RARB: variants seen among roughly 807,000 people sequenced by gnomAD.
The protein encoded by RARB is retinoic acid receptor beta.
RARB carries 17 observed loss-of-function variants against 51.9 expected under a neutral mutation model. That is an observed-to-expected ratio of 0.33 (90% CI 0.22 to 0.49). RARB has a LOEUF of 0.49. Ranked by LOEUF, RARB falls within the 20% of genes least tolerant of loss-of-function variation. RARB has a pLI of 0.99. For missense variants in RARB, 369 were observed against 550.8 expected (o/e 0.67, Z 3.30); for synonymous variants, 215 against 195.4 (o/e 1.10, Z -0.84).
At chr3:25,459,664 G>A (rs1167002005) in intron 1 of RARB, among the ~76,000 whole-genome samples, 1 of 152,176 alleles carries the variant, frequency 6.6e-6, no homozygotes, top group East Asian at 1.9e-4. Flanking sequence ...ATAGTGATGT[G>A]GGGATGGATT....
chr3:25,138,484 C>G (rs1306486665), intron 4 of RARB, among the ~76,000 whole-genome samples: 2 of 152,010 alleles, frequency 1.3e-5, no homozygotes, highest in Non-Finnish European at 1.5e-5. Context: ...ATTCAACTTG[C>G]ATTTGCCTTT....
chr3:25,063,142 C>A (rs927036827), intron 3 of RARB, among the ~76,000 whole-genome samples: 1 of 151,872 alleles, frequency 6.6e-6, no homozygotes, highest in Non-Finnish European at 1.5e-5. Context: ...TGTAACACCC[C>A]CTTTTGAATA....
intron 2 of RARB, among the ~76,000 whole-genome samples, chr3:24,938,227 T>A (rs915248463): frequency 5.9e-5 from 9 of 152,152 alleles, no homozygotes; most frequent in Admixed American, 5.9e-4. Context: ...CTTTTATATG[T>A]CAAAATCAAT....
intron 2 of RARB, among the ~76,000 whole-genome samples, chr3:24,971,490 C>T (rs1025056138): frequency 3.9e-5 from 6 of 151,986 alleles, no homozygotes; most frequent in African/African-American, 1.2e-4. Context: ...ACCAGTAATT[C>T]GTTATTTATC....
intron 5 of RARB, among the ~76,000 whole-genome samples, chr3:25,268,728 C>G (rs1239942380): frequency 2.0e-5 from 3 of 152,150 alleles, no homozygotes; most frequent in Non-Finnish European, 4.4e-5. Context: ...TTTGGTTTCT[C>G]TCAAACATTG....
At chr3:24,885,564 A>T (rs943671434) in intron 2 of RARB, among the ~76,000 whole-genome samples, 1 of 152,182 alleles carries the variant, frequency 6.6e-6, no homozygotes, top group African/African-American at 2.4e-5. Flanking sequence ...GCTATAGTGT[A>T]GCTCTAAATC....
At position 25,010,613 on chromosome 3, in the gene RARB, C is replaced by A. The variant is rs372191807; in HGVS notation, c.-379-49512C>A. 3.2e-4 allele frequency among the ~76,000 whole-genome samples: 49 copies of A among 152,158 alleles called. 2 individuals carry two copies. The South Asian group carries it at 7.7e-3, about 24-fold the overall frequency. ...TTCTATCTGGTTGCAACAAAGTGGG[C>A]ACTTCCACATTCATTACCTCATTTA... is the stretch of plus-strand genomic sequence containing the variant. On this transcript the variant is annotated intron_variant, in intron 2 of 11. Transcript: ENST00000383772.
At chr3:25,592,199 T>G (rs1334656924) in intron 5 of RARB, among the ~76,000 whole-genome samples, 1 of 152,216 alleles carries the variant, frequency 6.6e-6, no homozygotes, top group Non-Finnish European at 1.5e-5. Flanking sequence ...CACATGGCTG[T>G]GTAACAGGAA....
At chr3:25,158,322 G>A (rs1700411721) in intron 4 of RARB, among the ~76,000 whole-genome samples, 1 of 152,140 alleles carries the variant, frequency 6.6e-6, no homozygotes, top group Non-Finnish European at 1.5e-5. Context: ...TAATCACTTA[G>A]AAATATTATT....
intron 5 of RARB, among the ~76,000 whole-genome samples, chr3:25,294,923 A>G (rs1703882427): frequency 6.6e-6 from 1 of 152,178 alleles, no homozygotes; most frequent in African/African-American, 2.4e-5. Flanking sequence ...ATCGAGGTGT[A>G]TACACAGATA....
intron 2 of RARB, among the ~76,000 whole-genome samples, chr3:25,496,408 G>A (rs1285882540): frequency 1.3e-5 from 2 of 152,154 alleles, no homozygotes; most frequent in Non-Finnish European, 2.9e-5. Flanking sequence ...GCCACCTTGA[G>A]TCCACCAACT....
At chr3:25,564,930 GGA>G (rs1700429238) in intron 3 of RARB, among the ~76,000 whole-genome samples, 1 of 152,110 alleles carries the variant, frequency 6.6e-6, no homozygotes, top group Non-Finnish European at 1.5e-5. Context: ...AGGCAGCCTT[GGA>G]GCTGAGCATC....
Position 25,058,618 on chromosome 3 carries a change from A to T in RARB, c.-379-1507A>T, listed in dbSNP as rs148022846. Among the ~76,000 whole-genome samples the T allele has an allele frequency of 6.9e-3, 1,041 of 151,966 alleles. 14 individuals carry two copies. The highest frequency in any genetic ancestry group is 0.024 in the African/African-American group (994 of 41,500). On this transcript the variant is annotated intron_variant, in intron 2 of 11. Transcript: ENST00000383772. ...GAAATTAAAAAAATCCAGTGTCCTA[A>T]GACACAGAATAAGAGGGGCATGAGT...
chr3:24,846,298 G>C (rs1324681195), intron 1 of RARB, among the ~76,000 whole-genome samples: 2 of 152,128 alleles, frequency 1.3e-5, no homozygotes, highest in South Asian at 4.1e-4. Context: ...GATTAAATAA[G>C]ATAAGGAATG....
chr3:25,062,406 G>C (rs1475682373), intron 3 of RARB, among the ~76,000 whole-genome samples: 1 of 151,764 alleles, frequency 6.6e-6, no homozygotes, highest in Non-Finnish European at 1.5e-5. Context: ...TTTTTCTAGT[G>C]TGAAATTGAC....
Position 25,544,862 on chromosome 3 carries a change from C to T in RARB, c.449-24896C>T, listed in dbSNP as rs58696523. 9.7e-4 allele frequency among the ~76,000 whole-genome samples: 147 copies of T among 152,276 alleles called. 2 individuals are homozygous for T. The highest frequency in any genetic ancestry group is 2.7e-3 in the African/African-American group (114 of 41,556). On this transcript the variant is annotated intron_variant, in intron 3 of 7. Coordinates refer to ENST00000330688, the MANE Select transcript of RARB (RefSeq NM_000965.5). The stretch of plus-strand genomic sequence containing the variant: ...TTGCTATGACAGAATCTACAGTTGT[C>T]GTAGTTGCACTAAGTTCACTTGAGC...
chr3:25,299,816 A>G (rs999744302), intron 5 of RARB, among the ~76,000 whole-genome samples: 8 of 152,236 alleles, frequency 5.3e-5, no homozygotes, highest in African/African-American at 1.7e-4. Flanking sequence ...GTTAAAGACT[A>G]GAAAATAGTA....
chr3:24,960,134 G>A (rs899999987), intron 2 of RARB, among the ~76,000 whole-genome samples: 3 of 152,056 alleles, frequency 2.0e-5, no homozygotes, highest in East Asian at 1.9e-4. Flanking sequence ...TCCCTTTCAG[G>A]TTCTACCTCC....
chr3:25,516,028 T>C (rs867958368), intron 3 of RARB, among the ~76,000 whole-genome samples: 1 of 152,224 alleles, frequency 6.6e-6, no homozygotes, highest in South Asian at 2.1e-4. Flanking sequence ...CATCTTGGCA[T>C]TTTGCCTTTT....
Sources: allele counts gnomAD v4.1 joint callset (sites outside exome capture counted in the v4.1 genomes callset), GRCh38; gene constraint gnomAD v4.1.1; transcripts MANE v1.5; gene names NCBI Gene and HGNC (gene_info 2026-07-23, HGNC 2026-07-21).